Variants in ABCC11 observed in about 807,000 individuals in gnomAD.
ABCC11 encodes the protein ATP binding cassette subfamily C member 11.
In ABCC11, 135 loss-of-function variants were observed where a neutral mutation model predicts 149.3. That is an observed-to-expected ratio of 0.90 (90% CI 0.79 to 1.04). The LOEUF is 1.04. Ranked by LOEUF, ABCC11 falls within the 50% of genes least tolerant of loss-of-function variation. The pLI, the probability that ABCC11 is intolerant of heterozygous loss-of-function variation, is 0.00. For synonymous variants in ABCC11, 665 were observed against 671.4 expected (o/e 0.99, Z 0.15); for missense variants, 1,680 against 1,722.1 (o/e 0.98, Z 0.43).
intron 3 of ABCC11, among the ~76,000 whole-genome samples, chr16:48,229,427 G>C (rs990759976): frequency 2.0e-5 from 3 of 147,896 alleles, no homozygotes; most frequent in African/African-American, 7.5e-5. Flanking sequence ...AATCAACTTG[G>C]TTACTCCCAT....
intron 28 of ABCC11, among the ~76,000 whole-genome samples, chr16:48,167,936 C>A (rs986476319): frequency 3.9e-5 from 6 of 152,198 alleles, no homozygotes; most frequent in African/African-American, 1.4e-4. Flanking sequence ...GTGGCAACTT[C>A]TTGTTTTATT....
intron 14 of ABCC11, among the ~76,000 whole-genome samples, chr16:48,201,706 C>G (rs1018047433): frequency 5.3e-5 from 8 of 152,148 alleles, no homozygotes; most frequent in Non-Finnish European, 1.0e-4. Context: ...TGCACCCACT[C>G]AACAGACCAG....
chr16:48,170,442 G>A lies in ABCC11; in HGVS notation c.3778-224C>T, dbSNP rs1023226912. On this transcript the variant is annotated intron_variant, in intron 27 of 29. Coordinates refer to ENST00000356608, the MANE Select transcript of ABCC11 (RefSeq NM_001370497.1). ...ATGTCCTCTCAAAAGATCTTTCATCGGCTGCCCCTCAGTTCTTGGTCTCAG... is the reference window on the plus strand; with the variant it reads ...ATGTCCTCTCAAAAGATCTTTCATCAGCTGCCCCTCAGTTCTTGGTCTCAG... Among the ~76,000 whole-genome samples the A allele has an allele frequency of 3.3e-5, 5 of 151,858 alleles. No individual in the cohort carries two copies. The East Asian group carries it at 5.8e-4, about 18-fold the overall frequency.
At chr16:48,222,121 G>A (rs74582156) in intron 6 of ABCC11, among the ~76,000 whole-genome samples, 13,121 of 150,934 alleles carry the variant, frequency 0.087, 585 homozygotes, top group Middle Eastern at 0.11. Flanking sequence ...TAGAAATAGG[G>A]TCTTGCCATG....
chr16:48,196,579 G>A lies in ABCC11; in HGVS notation c.2315-258C>T, dbSNP rs377745416. Among the ~76,000 whole-genome samples, 93 of 152,330 alleles carry A rather than the reference G, an allele frequency of 6.1e-4. 1 individual carries two copies. Among genetic ancestry groups the A allele is most frequent in the African/African-American group, 2.1e-3 (88 of 41,576 alleles). ...GTCTCACGTGTGTGATGGGCTGAGA[G>A]AAACGCAGGAAAGAATGAAGAAAAC... On this transcript the variant is annotated intron_variant, in intron 17 of 29. Transcript: ENST00000356608.
intron 1 of ABCC11, chr16:48,244,644 C>CGGCGGCG (rs1971242783): frequency 7.5e-7 from 1 of 1,327,740 alleles, no homozygotes; most frequent in Non-Finnish European, 9.6e-7. Flanking sequence ...GCCCCCGCGG[C>CGGCGGCG]GGCGGCGGGC....
chr16:48,192,797 C>T lies in ABCC11; in HGVS notation c.2509-80G>A, dbSNP rs1055708252. On this transcript the variant is annotated intron_variant, in intron 19 of 29. Transcript: ENST00000356608. Reference sequence around the variant, plus strand: ...AGGGAAAGCCTTCTCCCTGGGGCCACGTGAGAATCTGTGGCTGGTAGAAGG... The same window carrying T: ...AGGGAAAGCCTTCTCCCTGGGGCCATGTGAGAATCTGTGGCTGGTAGAAGG... 76 of 1,398,694 alleles carry T rather than the reference C, an allele frequency of 5.4e-5. 1 individual carries two copies. The highest frequency in any genetic ancestry group is 1.9e-4 in the South Asian group (16 of 83,174). 86.6% of individuals were successfully genotyped at this position (1,398,694 alleles called of 1,614,324 possible).
Position 48,211,077 on chromosome 16 carries a change from C to T in ABCC11, c.1479G>A (p.Gly493=). 1 of 1,614,194 alleles carries T rather than the reference C, an allele frequency of 6.2e-7. No individual in the cohort carries two copies. The highest frequency in any genetic ancestry group is 8.5e-7 in the Non-Finnish European group (1 of 1,180,046). Residue 493 remains glycine, a synonymous_variant, in exon 11 of 30, where the codon GGG becomes GGA. Transcript: ENST00000356608. ...GCCCGTTCCTCTCCAGCTCCAGTGC[C>T]CCATTGACGATCCCGGGACAGGTCT... is the stretch of plus-strand genomic sequence containing the variant. ...WQQTCPGIVN[G]ALELERNGHA...
chr16:48,196,450 G>GT (rs1454680344), intron 17 of ABCC11, 129 bp from the exon 18 acceptor site: 1 of 821,568 alleles, frequency 1.2e-6, no homozygotes, highest in African/African-American at 1.7e-5. Context: ...TATGTCTAAG[G>GT]TTTTTCATGG....
At position 48,167,914 on chromosome 16, in the gene ABCC11, G is replaced by GA. The variant is rs546881052; in HGVS notation, c.3892-255dup. 1.3e-3 allele frequency among the ~76,000 whole-genome samples: 203 copies of GA among 152,308 alleles called. 6 individuals carry two copies. The South Asian group carries it at 0.04, about 30-fold the overall frequency. Reference sequence around the variant, plus strand: ...GCCAGAGAATTAAGTTCTTGGAAATGAAAATGGCCTAGTGGCAACTTCTTG... The same window carrying GA: ...GCCAGAGAATTAAGTTCTTGGAAATGAAAAATGGCCTAGTGGCAACTTCTTG... On this transcript the variant is annotated intron_variant, in intron 28 of 29. Coordinates refer to ENST00000356608, the MANE Select transcript of ABCC11 (RefSeq NM_001370497.1).
intron 12 of ABCC11, among the ~76,000 whole-genome samples, chr16:48,207,794 G>A (rs1165229125): frequency 1.3e-5 from 2 of 152,074 alleles, no homozygotes; most frequent in South Asian, 2.1e-4. Flanking sequence ...CCTCAAACTC[G>A]TCCACAGGGG....
intron 23 of ABCC11, 83 bp downstream of exon 23, chr16:48,184,357 G>A (rs1490621913): frequency 1.3e-6 from 2 of 1,494,054 alleles, no homozygotes; most frequent in Non-Finnish European, 9.1e-7. Flanking sequence ...TTGAACACCT[G>A]AGGACCCCCT....
chr16:48,225,762 G>A (rs914478205), intron 4 of ABCC11, among the ~76,000 whole-genome samples: 5 of 152,194 alleles, frequency 3.3e-5, no homozygotes, highest in Non-Finnish European at 7.3e-5. Flanking sequence ...CAACACTGAT[G>A]ACCATTGCCT....
chr16:48,175,366 C>G lies in ABCC11; in HGVS notation c.3590G>C (p.Gly1197Ala). ...ALFRLVEPMA[G>A]RILIDGVDIC... ...GTCCACGCCGTCAATGAGAATCCGG[C>G]CTGCCATGGGCTCCACCAGGCGGAA... Residue 1197 changes from glycine to alanine, a missense_variant, in exon 26 of 30, where the codon GGC becomes GCC. By Grantham distance (60) the Gly-to-Ala change is moderately conservative (BLOSUM62 0). Coordinates refer to ENST00000356608, the MANE Select transcript of ABCC11 (RefSeq NM_001370497.1). 6.2e-7 allele frequency: 1 copy of G among 1,614,072 alleles called. No individual in the cohort carries two copies. The highest frequency in any genetic ancestry group is 8.5e-7 in the Non-Finnish European group (1 of 1,179,896).
chr16:48,224,325 G>T lies in ABCC11; in HGVS notation c.500C>A (p.Ala167Glu). 6.2e-7 allele frequency: 1 copy of T among 1,614,198 alleles called. No individual in the cohort carries two copies. Among genetic ancestry groups the T allele is most frequent in the Non-Finnish European group, 8.5e-7 (1 of 1,180,034 alleles). Reference protein sequence around the residue: ...RFQRTRLIFDALLGICFCIAS... With the variant: ...RFQRTRLIFDELLGICFCIAS... Reference sequence around the variant, plus strand: ...AATGCAGAAGCAGATGCCCAGAAGTGCATCGAAAATCAACCTTGTTCTCTG... The same window carrying T: ...AATGCAGAAGCAGATGCCCAGAAGTTCATCGAAAATCAACCTTGTTCTCTG... Residue 167 changes from alanine (A) to glutamate (E), a missense_variant, in exon 5 of 30, where the codon GCA becomes GAA. Coordinates refer to ENST00000356608, the MANE Select transcript of ABCC11 (RefSeq NM_001370497.1).
chr16:48,240,616 C>T (rs1439107978), intron 1 of ABCC11, among the ~76,000 whole-genome samples: 1 of 152,048 alleles, frequency 6.6e-6, no homozygotes, highest in Non-Finnish European at 1.5e-5. Flanking sequence ...TGCAGCAAAC[C>T]ACCACGGCAC....
rs902460286 is a variant in ABCC11 at position 48,170,363 on chromosome 16, G to A, written c.3778-145C>T. ...CTCTGTTTTCTTGCTCCTTAACTGC[G>A]CCTTGCTCACTCTCGTCTCTGGGCC... On this transcript the variant is annotated intron_variant, in intron 27 of 29. Coordinates refer to ENST00000356608, the MANE Select transcript of ABCC11 (RefSeq NM_001370497.1). 5.4e-5 allele frequency: 37 copies of A among 684,196 alleles called. 1 individual carries two copies. The highest frequency in any genetic ancestry group is 3.3e-4 in the South Asian group (19 of 57,672). 42.4% of individuals were successfully genotyped at this position (684,196 alleles called of 1,614,324 possible).
At chr16:48,172,714 G>T (rs1218917669) in intron 26 of ABCC11, among the ~76,000 whole-genome samples, 1 of 152,126 alleles carries the variant, frequency 6.6e-6, no homozygotes, top group Non-Finnish European at 1.5e-5. Context: ...AATAATACTT[G>T]CTATTTACCT....
intron 18 of ABCC11, 50 bp from the exon 19 acceptor site, chr16:48,194,032 C>A: frequency 7.3e-7 from 1 of 1,364,560 alleles, no homozygotes; most frequent in Non-Finnish European, 1.0e-6. Flanking sequence ...AGGTGCGAGG[C>A]AACTGCTGAC....
Sources: gnomAD v4.1 joint callset for allele counts (sites outside exome capture counted in the v4.1 genomes callset) on GRCh38, gnomAD v4.1.1 for gene constraint, MANE v1.5 for transcripts, NCBI Gene and HGNC (gene_info 2026-07-23, HGNC 2026-07-21) for gene names.